The following SPG21 variants were observed in gnomAD, a reference collection of about 807,000 sequenced individuals.
SPG21 encodes SPG21 abhydrolase domain containing, maspardin.
A neutral mutation model predicts 38.9 loss-of-function variants in SPG21; 26 were observed. That is an observed-to-expected ratio of 0.67 (90% confidence interval 0.49 to 0.93). The LOEUF is 0.93. Ranked by LOEUF, SPG21 falls within the 40% of genes least tolerant of loss-of-function variation. SPG21 has a pLI of 0.00. For synonymous variants in SPG21, 136 were observed against 128.9 expected, an observed-to-expected ratio of 1.05 and a Z score of -0.37; for missense variants, 333 against 376.5, an observed-to-expected ratio of 0.88 and a Z score of 0.96.
At chr15:64,989,207 T>A (rs2086064910) in intron 1 of SPG21, 1 of 151,908 alleles carries the variant, frequency 6.6e-6, no homozygotes, top group Admixed American at 6.6e-5. Context: ...CAAAGACATC[T>A]ATCACTTTCA....
In SPG21 at chr15:64,965,473, C is replaced by A. The variant is rs115421171; in HGVS notation, c.670-13G>T. The A allele has an allele frequency of 2.4e-4, 389 of 1,614,128 alleles. 1 individual carries two copies. The African/African-American group carries it at 4.7e-3, about 20-fold the overall frequency. On this transcript the variant is annotated splice_polypyrimidine_tract_variant and intron_variant, in intron 7 of 8. Transcript: ENST00000204566. ...TCTGATCAAACACCTTTAAAAAACACAAAGCTTCAGCACCATAGGAAAGGT... is the reference window on the plus strand; with the variant it reads ...TCTGATCAAACACCTTTAAAAAACAAAAAGCTTCAGCACCATAGGAAAGGT...
chr15:64,987,910 T>C (rs1042611067), intron 1 of SPG21, among the ~76,000 whole-genome samples: 1 of 152,214 alleles, frequency 6.6e-6, no homozygotes. Flanking sequence ...GGCACATGCC[T>C]GTAATCCCAG....
intron 7 of SPG21, among the ~76,000 whole-genome samples, chr15:64,968,060 A>C (rs980670160): frequency 1.1e-4 from 16 of 152,216 alleles, no homozygotes; most frequent in Non-Finnish European, 2.4e-4. Flanking sequence ...TCAGCTTTAA[A>C]AAGAAATAGG....
At chr15:64,977,453 G>C (rs1376414439) in intron 3 of SPG21, among the ~76,000 whole-genome samples, 1 of 151,848 alleles carries the variant, frequency 6.6e-6, no homozygotes, top group Non-Finnish European at 1.5e-5. Flanking sequence ...ACAACCTCTT[G>C]GGTGCAAGCG....
intron 7 of SPG21, among the ~76,000 whole-genome samples, chr15:64,966,515 T>C (rs2085543154): frequency 6.6e-6 from 1 of 152,166 alleles, no homozygotes; most frequent in Non-Finnish European, 1.5e-5. Context: ...TTATGGCAAA[T>C]GTCAGAATGC....
At chr15:64,983,653 G>A (rs1388283207) in intron 1 of SPG21, 60 bp from the exon 2 acceptor site, 1 of 1,057,350 alleles carries the variant, frequency 9.5e-7, no homozygotes, top group Admixed American at 2.0e-5. Context: ...AGAACTAAAT[G>A]TAGAGTCTCA....
intron 1 of SPG21, chr15:64,987,132 T>A (rs1466225084): frequency 6.6e-6 from 1 of 152,212 alleles, no homozygotes; most frequent in Non-Finnish European, 1.5e-5. Context: ...GCGGTCATCC[T>A]CTTCTTTCCC....
At chr15:64,979,295 T>C (rs987458472) in intron 3 of SPG21, among the ~76,000 whole-genome samples, 7 of 152,096 alleles carry the variant, frequency 4.6e-5, no homozygotes, top group African/African-American at 1.4e-4. Flanking sequence ...CGCCTATGGG[T>C]TGCTCGGTTT....
intron 1 of SPG21, among the ~76,000 whole-genome samples, chr15:64,984,075 T>C (rs972317529): frequency 6.6e-6 from 1 of 152,144 alleles, no homozygotes; most frequent in Non-Finnish European, 1.5e-5. Flanking sequence ...TGAGCCACCA[T>C]GCCCGGCCAC....
chr15:64,969,681 G>GTTTT (rs1299155585), intron 6 of SPG21, among the ~76,000 whole-genome samples: 2 of 38,930 alleles, frequency 5.1e-5, no homozygotes, highest in African/African-American at 4.7e-5. Flanking sequence ...ACAGATATAT[G>GTTTT]TTTTTGTTTT....
At chr15:64,968,696 C>T (rs1191191943) in intron 7 of SPG21, among the ~76,000 whole-genome samples, 1 of 151,968 alleles carries the variant, frequency 6.6e-6, no homozygotes, top group Admixed American at 6.6e-5. Flanking sequence ...TTTAAATGTA[C>T]ATTTTACCAC....
rs371929998 is a variant in SPG21 at position 64,965,850 on chromosome 15, C to T, written c.670-390G>A. 2.8e-4 allele frequency among the ~76,000 whole-genome samples: 43 copies of T among 152,004 alleles called. 1 individual carries two copies. In the South Asian group the frequency reaches 4.8e-3, roughly 17 times the overall value. On this transcript the variant is annotated intron_variant, in intron 7 of 8. Coordinates refer to ENST00000204566, the MANE Select transcript of SPG21 (RefSeq NM_016630.7). ...CTAAGTACCTGGGACTACAGGCATG[C>T]GCCATCACGCCTGGCTAATTTTTGC...
intron 5 of SPG21, among the ~76,000 whole-genome samples, 186 bp downstream of exon 5, chr15:64,974,416 A>C (rs2085734823): frequency 6.6e-6 from 1 of 152,188 alleles, no homozygotes; most frequent in Non-Finnish European, 1.5e-5. Context: ...TAAAGGCTGC[A>C]GTAAGCTGTG....
intron 7 of SPG21, among the ~76,000 whole-genome samples, chr15:64,966,322 T>C (rs2085539262): frequency 6.6e-6 from 1 of 152,038 alleles, no homozygotes. Context: ...TTTCAAAAAG[T>C]AAAATAAGCA....
At chr15:64,968,340 CAAAAA>C (rs11305475) in intron 7 of SPG21, among the ~76,000 whole-genome samples, 1 of 109,696 alleles carries the variant, frequency 9.1e-6, no homozygotes. Context: ...ACCCTGTTTC[CAAAAA>C]AAAAAAAAAA....
chr15:64,983,443 C>A (rs1230007331), intron 2 of SPG21, 64 bp downstream of exon 2: 1 of 1,175,480 alleles, frequency 8.5e-7, no homozygotes, highest in Non-Finnish European at 1.2e-6. Context: ...GACATGACAT[C>A]TAAATCACAC....
chr15:64,968,197 G>A (rs1052321501), intron 7 of SPG21, among the ~76,000 whole-genome samples: 1 of 151,900 alleles, frequency 6.6e-6, no homozygotes, highest in African/African-American at 2.4e-5. Context: ...AAAATTAGCC[G>A]AACGTAGTGG....
intron 1 of SPG21, among the ~76,000 whole-genome samples, chr15:64,986,428 G>A (rs1229652248): frequency 6.6e-6 from 1 of 151,814 alleles, no homozygotes; most frequent in Non-Finnish European, 1.5e-5. Context: ...GCTCACACCT[G>A]TAATCCCAGC....
intron 7 of SPG21, among the ~76,000 whole-genome samples, chr15:64,968,143 T>C (rs1221731985): frequency 6.6e-6 from 1 of 151,580 alleles, no homozygotes; most frequent in Admixed American, 6.6e-5. Context: ...AGTCCCAGAG[T>C]TTGAGTCCAG....
Sources: allele counts gnomAD v4.1 joint callset (sites outside exome capture counted in the v4.1 genomes callset), GRCh38; gene constraint gnomAD v4.1.1; transcripts MANE v1.5; gene names NCBI Gene and HGNC (gene_info 2026-07-23, HGNC 2026-07-21).